Variants in SRGAP3 observed in about 807,000 individuals in gnomAD.
The protein encoded by SRGAP3 is SLIT-ROBO Rho GTPase activating protein 3.
A neutral mutation model predicts 121.1 loss-of-function variants in SRGAP3; 39 were observed. The observed-to-expected ratio is 0.32, with a 90% CI of 0.25 to 0.42. The LOEUF (loss-of-function observed/expected upper bound fraction) is 0.42. SRGAP3 is among the 10% of genes least tolerant of loss of function. The pLI is 1.00. For synonymous variants in SRGAP3, 601 were observed against 570.0 expected (o/e 1.05, Z -0.77); for missense variants, 1,213 against 1,470.6 (o/e 0.82, Z 2.86).
chr3:9,108,372 C>CT (rs1948492001), intron 2 of SRGAP3, among the ~76,000 whole-genome samples: 2 of 152,126 alleles, frequency 1.3e-5, no homozygotes, highest in Non-Finnish European at 2.9e-5. Context: ...AGTCCCAGGG[C>CT]TTTGGGAGGC....
intron 13 of SRGAP3, 104 bp from the exon 14 acceptor site, chr3:9,025,442 T>TCC: frequency 8.0e-7 from 1 of 1,250,458 alleles, no homozygotes; most frequent in Admixed American, 1.8e-5. Context: ...TGTCTCTTTC[T>TCC]CCCCCGATCC....
chr3:9,192,110 T>G (rs560070500), intron 1 of SRGAP3, among the ~76,000 whole-genome samples: 84 of 152,292 alleles, frequency 5.5e-4, no homozygotes, highest in African/African-American at 1.9e-3. Flanking sequence ...CTGGAGAGAA[T>G]CGTGGATGTG....
intron 10 of SRGAP3, among the ~76,000 whole-genome samples, chr3:9,040,368 G>A (rs1055580709): frequency 6.6e-6 from 1 of 152,072 alleles, no homozygotes; most frequent in African/African-American, 2.4e-5. Flanking sequence ...TTTCTCCTTT[G>A]TGTGCTCTGC....
intron 10 of SRGAP3, among the ~76,000 whole-genome samples, chr3:9,043,719 GT>G (rs2125128531): frequency 6.6e-6 from 1 of 152,190 alleles, no homozygotes; most frequent in South Asian, 2.1e-4. Context: ...ATAGTTGGTG[GT>G]TCAGTAATTT....
intron 1 of SRGAP3, among the ~76,000 whole-genome samples, chr3:9,351,846 A>C (rs1276181012): frequency 6.6e-6 from 1 of 152,214 alleles, no homozygotes; most frequent in Admixed American, 6.5e-5. Flanking sequence ...CTGTGGCTCA[A>C]AAGTAAAAAC....
intron 1 of SRGAP3, chr3:9,235,829 G>C (rs1233798982): frequency 6.6e-6 from 1 of 152,168 alleles, no homozygotes; most frequent in Admixed American, 6.5e-5. Context: ...AATGGGTACA[G>C]AGTTGCATTT....
intron 1 of SRGAP3, among the ~76,000 whole-genome samples, chr3:9,136,295 G>A (rs1412234122): frequency 6.6e-6 from 1 of 152,082 alleles, no homozygotes; most frequent in African/African-American, 2.4e-5. Context: ...CGGCCCCGAG[G>A]GTCCGCAGGA....
At chr3:9,282,952 T>C (rs1461003694) in intron 3 of SRGAP3, among the ~76,000 whole-genome samples, 1 of 152,114 alleles carries the variant, frequency 6.6e-6, no homozygotes, top group Non-Finnish European at 1.5e-5. Context: ...TTTTGTTTGT[T>C]TTGAGAAGGA....
At chr3:9,111,626 G>C (rs537083788) in intron 2 of SRGAP3, among the ~76,000 whole-genome samples, 1 of 152,302 alleles carries the variant, frequency 6.6e-6, no homozygotes, top group Admixed American at 6.5e-5. Context: ...GCAGACCGCA[G>C]AGCCAGACGC....
chr3:9,249,908 T>C (rs1953963494), upstream of SRGAP3, among the ~76,000 whole-genome samples: 1 of 152,250 alleles, frequency 6.6e-6, no homozygotes, highest in African/African-American at 2.4e-5. Context: ...CCTCCCTTTT[T>C]TTGCACTGTG....
chr3:9,058,339 C>G lies in SRGAP3; in HGVS notation c.935G>C (p.Arg312Pro). The change falls in exon 7 of 22, where the codon CGA becomes CCA. Residue 312 changes from arginine to proline, a missense_variant. By Grantham distance (103) the Arg-to-Pro change is moderately radical. Coordinates refer to ENST00000383836, the MANE Select transcript of SRGAP3 (RefSeq NM_014850.4). ...IENAVDNLDS[R>P]SDKHTVMDMC... ...GTCCATGACTGTGTGCTTGTCACTTCGGGAATCCAGGTTGTCCACTGCATT... is the reference window on the plus strand; with the variant it reads ...GTCCATGACTGTGTGCTTGTCACTTGGGGAATCCAGGTTGTCCACTGCATT... 1 of 1,614,226 alleles carries G rather than the reference C, an allele frequency of 6.2e-7. No individual in the cohort carries two copies. The highest frequency in any genetic ancestry group is 8.5e-7 in the Non-Finnish European group (1 of 1,180,034).
At chr3:9,241,951 G>A (rs559443117) in intron 1 of SRGAP3, among the ~76,000 whole-genome samples, 6 of 151,890 alleles carry the variant, frequency 4.0e-5, no homozygotes, top group South Asian at 2.1e-4. Flanking sequence ...GGTGGTGTGC[G>A]CCTATAGTCC....
At chr3:9,046,621 C>T (rs557019302) in intron 10 of SRGAP3, among the ~76,000 whole-genome samples, 1 of 152,150 alleles carries the variant, frequency 6.6e-6, no homozygotes, top group Non-Finnish European at 1.5e-5. Flanking sequence ...CCCTGACTTA[C>T]ATGTATGGAT....
chr3:8,999,862 C>T (rs1375587089), intron 18 of SRGAP3, among the ~76,000 whole-genome samples: 1 of 151,362 alleles, frequency 6.6e-6, no homozygotes, highest in Non-Finnish European at 1.5e-5. Flanking sequence ...CAGGGAAACT[C>T]GAGAAAAAAT....
intron 4 of SRGAP3, among the ~76,000 whole-genome samples, chr3:9,068,033 T>C (rs1313519923): frequency 6.6e-6 from 1 of 152,202 alleles, no homozygotes; most frequent in Non-Finnish European, 1.5e-5. Flanking sequence ...CTTCTCGACA[T>C]GTCCCTCCAC....
At chr3:9,095,858 A>G (rs1259193725) in intron 3 of SRGAP3, among the ~76,000 whole-genome samples, 2 of 152,154 alleles carry the variant, frequency 1.3e-5, no homozygotes, top group Non-Finnish European at 2.9e-5. Flanking sequence ...GCTTGAGGCC[A>G]GGAGTTCAAA....
intron 1 of SRGAP3, among the ~76,000 whole-genome samples, chr3:9,168,721 A>G (rs961144380): frequency 1.5e-4 from 23 of 152,258 alleles, no homozygotes; most frequent in Non-Finnish European, 7.3e-5. Flanking sequence ...TAAGTAACAA[A>G]CTGGTCCTGC....
At chr3:9,095,134 T>A (rs1344736910) in intron 3 of SRGAP3, among the ~76,000 whole-genome samples, 2 of 152,162 alleles carry the variant, frequency 1.3e-5, no homozygotes, top group Non-Finnish European at 2.9e-5. Flanking sequence ...TCTACTGGGT[T>A]GTTTTTCCTT....
At chr3:9,140,482 A>T (rs1215425777) in intron 1 of SRGAP3, among the ~76,000 whole-genome samples, 3 of 152,218 alleles carry the variant, frequency 2.0e-5, no homozygotes, top group Non-Finnish European at 4.4e-5. Flanking sequence ...AGGTGGTAGG[A>T]TTACAGATAA....
Sources: gnomAD v4.1 joint callset for allele counts (sites outside exome capture counted in the v4.1 genomes callset) on GRCh38, gnomAD v4.1.1 for gene constraint, MANE v1.5 for transcripts, NCBI Gene and HGNC (gene_info 2026-07-23, HGNC 2026-07-21) for gene names.